The following RALGAPB variants were observed in gnomAD, a reference collection of about 807,000 sequenced individuals.
RALGAPB encodes Ral GTPase activating protein non-catalytic subunit beta.
Under a neutral mutation model 161.1 loss-of-function variants are expected in RALGAPB, and 25 were observed. The observed-to-expected ratio is 0.16, with a 90% CI of 0.11 to 0.22. The LOEUF is 0.22. RALGAPB is among the 10% of genes least tolerant of loss of function. The pLI, the probability that RALGAPB is intolerant of heterozygous loss-of-function variation, is 1.00. For synonymous variants in RALGAPB, 629 were observed against 626.1 expected (o/e 1.00, Z -0.07); for missense variants, 1,391 against 1,815.2 (o/e 0.77, Z 4.25).
intron 5 of RALGAPB, among the ~76,000 whole-genome samples, chr20:38,508,770 G>A (rs1353669299): frequency 6.6e-6 from 1 of 152,036 alleles, no homozygotes; most frequent in African/African-American, 2.4e-5. Context: ...TGTTTTCAAT[G>A]TAAAACTTCT....
At chr20:38,534,056 T>C (rs1375977754) in intron 15 of RALGAPB, among the ~76,000 whole-genome samples, 4 of 151,082 alleles carry the variant, frequency 2.6e-5, no homozygotes, top group African/African-American at 9.8e-5. Context: ...GGAGACTCTC[T>C]TGAACCTGGG....
Position 38,525,443 on chromosome 20 carries a change from A to G in RALGAPB, c.1827A>G (p.Glu609=). The change falls in exon 12 of 30, where the codon GAA becomes GAG. Residue 609 remains glutamate (E), a synonymous_variant. Coordinates refer to ENST00000262879, the MANE Select transcript of RALGAPB (RefSeq NM_020336.4). ...SKFKSYVNPT[E]LRRSSINILL... ...TCAAAAGCTATGTAAATCCAACAGA[A>G]TTGCGAAGATCCTCCATTAATATCC... is the stretch of plus-strand genomic sequence containing the variant. The G allele has an allele frequency of 6.2e-7, 1 of 1,601,666 alleles. No individual in the cohort carries two copies. The highest frequency in any genetic ancestry group is 8.5e-7 in the Non-Finnish European group (1 of 1,176,816).
intron 2 of RALGAPB, among the ~76,000 whole-genome samples, chr20:38,492,645 C>T (rs1426439880): frequency 6.6e-6 from 1 of 152,102 alleles, no homozygotes; most frequent in Admixed American, 6.5e-5. Flanking sequence ...CCTGTATTTA[C>T]TTTTTAGTTC....
chr20:38,485,990 A>G lies in RALGAPB; in HGVS notation c.-30-2413A>G, dbSNP rs1349897863. On this transcript the variant is annotated intron_variant, in intron 1 of 29. Coordinates refer to ENST00000262879, the MANE Select transcript of RALGAPB (RefSeq NM_020336.4). ...TCTTTTTTTTTTTTTTTTTTTTGAG[A>G]TGGAGTTTTGCTTTTGTCGCCCAGG... Among the ~76,000 whole-genome samples the G allele has an allele frequency of 2.0e-4, 8 of 39,308 alleles. 1 individual carries two copies. The highest frequency in any genetic ancestry group is 7.3e-4 in the South Asian group (1 of 1,366). 25.8% of individuals were successfully genotyped at this position (39,308 alleles called of 152,430 possible).
intron 24 of RALGAPB, among the ~76,000 whole-genome samples, chr20:38,563,284 G>A (rs933579524): frequency 6.6e-6 from 1 of 152,106 alleles, no homozygotes; most frequent in South Asian, 2.1e-4. Flanking sequence ...CTATACAAAT[G>A]GTGTAATATA....
Position 38,551,185 on chromosome 20 carries a change from C to G in RALGAPB, c.3124C>G (p.Leu1042Val), listed in dbSNP as rs1386608651. Residue 1042 changes from leucine (L) to valine (V), a missense_variant, in exon 21 of 30, where the codon CTC becomes GTC. This residue lies in a region of RALGAPB where 9 missense variants were observed against 31.0 expected (regional missense o/e 0.29). Coordinates refer to ENST00000262879, the MANE Select transcript of RALGAPB (RefSeq NM_020336.4). ...CAAGATTCCTTTTGTGAAAGCAGAT[C>G]TCAGCATTCCAGATTTGCATGAAAT... ...VDKIPFVKAD[L>V]SIPDLHEIVT... 2 of 1,613,804 alleles carry G rather than the reference C, an allele frequency of 1.2e-6. No individual in the cohort carries two copies. The highest frequency in any genetic ancestry group is 2.7e-5 in the African/African-American group (2 of 74,908).
chr20:38,534,954 G>A, intron 15 of RALGAPB, 120 bp from the exon 16 acceptor site: 1 of 1,216,344 alleles, frequency 8.2e-7, no homozygotes, highest in Non-Finnish European at 1.2e-6. Context: ...GCACTGTGTG[G>A]GTGCCCGTCG....
chr20:38,510,436 C>G (rs868806363), intron 6 of RALGAPB, among the ~76,000 whole-genome samples: 9 of 151,812 alleles, frequency 5.9e-5, no homozygotes, highest in Admixed American at 2.6e-4. Flanking sequence ...TCTCTTTTTC[C>G]TTCTCTTAGA....
At chr20:38,561,277 T>C (rs1230249297) in intron 23 of RALGAPB, among the ~76,000 whole-genome samples, 1 of 152,164 alleles carries the variant, frequency 6.6e-6, no homozygotes, top group East Asian at 1.9e-4. Flanking sequence ...TGAGCAGAGA[T>C]TGCGCCACTG....
chr20:38,529,704 G>A (rs923880927), intron 13 of RALGAPB, among the ~76,000 whole-genome samples: 2 of 151,434 alleles, frequency 1.3e-5, no homozygotes, highest in Non-Finnish European at 1.5e-5. Context: ...TTAGCCAGGC[G>A]TGGTGGCAGG....
At chr20:38,556,790 T>G (rs2087601075) in intron 22 of RALGAPB, among the ~76,000 whole-genome samples, 1 of 152,164 alleles carries the variant, frequency 6.6e-6, no homozygotes. Context: ...GCAACATGCT[T>G]CAGGTCCACA....
At chr20:38,500,959 A>G (rs1472906033) in intron 5 of RALGAPB, among the ~76,000 whole-genome samples, 1 of 152,204 alleles carries the variant, frequency 6.6e-6, no homozygotes, top group Non-Finnish European at 1.5e-5. Context: ...GAAGCTGTAG[A>G]AGAAAGCTTA....
intron 16 of RALGAPB, among the ~76,000 whole-genome samples, chr20:38,536,918 C>T (rs1431763399): frequency 6.6e-6 from 1 of 152,198 alleles, no homozygotes; most frequent in Non-Finnish European, 1.5e-5. Context: ...GAAGCAGTTA[C>T]TGGTACAGAA....
At chr20:38,493,639 T>C (rs758003293) in intron 3 of RALGAPB, among the ~76,000 whole-genome samples, 4 of 152,248 alleles carry the variant, frequency 2.6e-5, no homozygotes, top group Non-Finnish European at 5.9e-5. Context: ...TAGGGATACC[T>C]TCAAGGAGCA....
At chr20:38,534,138 C>CAAAAAAA (rs1293283790) in intron 15 of RALGAPB, among the ~76,000 whole-genome samples, 1 of 46,968 alleles carries the variant, frequency 2.1e-5, no homozygotes, top group Admixed American at 2.2e-4. Context: ...GACTCCATCT[C>CAAAAAAA]AAAAAAAAAA....
At chr20:38,560,792 C>CT (rs2087760514) in intron 23 of RALGAPB, among the ~76,000 whole-genome samples, 1 of 152,272 alleles carries the variant, frequency 6.6e-6, no homozygotes, top group East Asian at 1.9e-4. Flanking sequence ...TGTCTAAGAC[C>CT]TGCCTTCCCT....
At chr20:38,544,667 C>T (rs1220254332) in intron 18 of RALGAPB, among the ~76,000 whole-genome samples, 2 of 152,242 alleles carry the variant, frequency 1.3e-5, no homozygotes, top group Admixed American at 1.3e-4. Flanking sequence ...GGAGTTTTGC[C>T]ATGTTGGCCA....
chr20:38,532,048 G>C (rs1385953861), intron 14 of RALGAPB, among the ~76,000 whole-genome samples: 1 of 151,674 alleles, frequency 6.6e-6, no homozygotes, highest in Non-Finnish European at 1.5e-5. Flanking sequence ...TTTGTTTTTT[G>C]TTTTGTTTTG....
In RALGAPB at chr20:38,569,987, G is replaced by C. The variant is rs1327797454; in HGVS notation, c.4054G>C (p.Asp1352His). 6.2e-7 allele frequency: 1 copy of C among 1,609,730 alleles called. No individual in the cohort carries two copies. Among genetic ancestry groups the C allele is most frequent in the Non-Finnish European group, 8.5e-7 (1 of 1,176,190 alleles). Reference protein sequence around the residue: ...RVSVVWVERYDDIENFPLSEL... With the variant: ...RVSVVWVERYHDIENFPLSEL... ...TTCTGTAGTCTGGGTGGAACGCTAT[G>C]ATGATATAGGTACTGTATGAGGACT... The change falls in exon 27 of 30, where the codon GAT becomes CAT. Residue 1352 changes from aspartate (D) to histidine (H), a missense_variant. This residue lies in a region of RALGAPB where 436 missense variants were observed against 527.0 expected (regional missense o/e 0.83). Transcript: ENST00000262879.
Sources: gnomAD v4.1 joint callset for allele counts (sites outside exome capture counted in the v4.1 genomes callset) on GRCh38, gnomAD v4.1.1 for gene constraint, gnomAD v4.1.1 regional missense constraint, MANE v1.5 for transcripts, NCBI Gene and HGNC (gene_info 2026-07-23, HGNC 2026-07-21) for gene names.